The following PER2 variants were observed in gnomAD, a reference collection of about 807,000 sequenced individuals.
PER2 encodes the protein period circadian protein homolog 2.
In PER2, 66 loss-of-function variants were observed where a neutral mutation model predicts 121.0. The observed-to-expected ratio is 0.55, with a 90% CI of 0.45 to 0.67. The LOEUF (loss-of-function observed/expected upper bound fraction) is 0.67, where lower values mean the gene tolerates loss of function less well. Ranked by LOEUF, PER2 falls within the 30% of genes least tolerant of loss-of-function variation. PER2 has a pLI of 0.00. For synonymous variants in PER2, 684 were observed against 659.9 expected (o/e 1.04, Z -0.56); for missense variants, 1,521 against 1,635.0 (o/e 0.93, Z 1.20).
rs1174000787 is a variant in PER2, at chr2:238,245,922, A to T, written c.*453T>A. ...AAAAACACTCTACCTTGACTAAATG[A>T]TAATTCAGATAAAAAGCAGTCCCCA... On this transcript the variant is annotated 3_prime_UTR_variant, in exon 23 of 23. Coordinates refer to ENST00000254657, the MANE Select transcript of PER2 (RefSeq NM_022817.3). 1 of 315,032 alleles carries T rather than the reference A, an allele frequency of 3.2e-6. No individual in the cohort carries two copies. The highest frequency in any genetic ancestry group is 5.7e-6 in the Non-Finnish European group (1 of 174,522). 19.5% of individuals were successfully genotyped at this position (315,032 alleles called of 1,614,324 possible).
At chr2:238,290,366 G>A (rs530123768), upstream of PER2, among the ~76,000 whole-genome samples, 2 of 151,888 alleles carry the variant, frequency 1.3e-5, no homozygotes, top group Non-Finnish European at 2.9e-5. Flanking sequence ...ACACCCAAAG[G>A]CTCTTTTGTT....
chr2:238,261,748 A>T lies in PER2; in HGVS notation c.1397T>A (p.Ile466Asn). The T allele has an allele frequency of 6.4e-7, 1 of 1,563,514 alleles. No individual in the cohort carries two copies. Among genetic ancestry groups the T allele is most frequent in the African/African-American group, 1.4e-5 (1 of 73,690 alleles). ...HPSIQELTEQ[I>N]HRLLLQPVPH... ...ACCCACCTGCAGCAGGAGCCGGTGG[A>T]TCTGCTCTGTGAGCTCCTGAATGCT... is the stretch of plus-strand genomic sequence containing the variant. Residue 466 changes from isoleucine to asparagine, a missense_variant, in exon 12 of 23, where the codon ATC becomes AAC. Coordinates refer to ENST00000254657, the MANE Select transcript of PER2 (RefSeq NM_022817.3).
chr2:238,284,540 TC>T (rs1696726627), intron 1 of PER2, among the ~76,000 whole-genome samples: 1 of 151,932 alleles, frequency 6.6e-6, no homozygotes, highest in South Asian at 2.1e-4. Context: ...GGCAGCTGTC[TC>T]TGGCTTGTAT....
chr2:238,283,748 G>A (rs1696698558), intron 1 of PER2, among the ~76,000 whole-genome samples: 1 of 152,196 alleles, frequency 6.6e-6, no homozygotes, highest in African/African-American at 2.4e-5. Context: ...GGGTGCTCTT[G>A]CCATGGTTCA....
rs1481926556 is a variant in PER2 at position 238,245,915 on chromosome 2, C to T, written c.*460G>A. 3 of 332,520 alleles carry T rather than the reference C, an allele frequency of 9.0e-6. No individual in the cohort carries two copies. Among genetic ancestry groups the T allele is most frequent in the African/African-American group, 6.3e-5 (3 of 47,300 alleles). 20.6% of individuals were successfully genotyped at this position (332,520 alleles called of 1,614,324 possible). A position where few individuals can be genotyped will look rare whatever the true frequency, so the allele number is the denominator to read the frequency against. On this transcript the variant is annotated 3_prime_UTR_variant, in exon 23 of 23. Transcript: ENST00000254657. The stretch of plus-strand genomic sequence containing the variant: ...TGTATAAAAAAACACTCTACCTTGA[C>T]TAAATGATAATTCAGATAAAAAGCA...
chr2:238,295,447 AGCCTCAAGTCCCTG>A, the PER2 span: 2 of 152,052 alleles, frequency 1.3e-5, no homozygotes, highest in East Asian at 3.9e-4. Flanking sequence ...AGCTCAGTGA[AGCCTCAAGTCCCTG>A]GCCTCAAATC....
intron 3 of PER2, 108 bp downstream of exon 3, chr2:238,277,023 T>C: frequency 1.2e-6 from 1 of 855,754 alleles, no homozygotes; most frequent in Non-Finnish European, 2.0e-6. Context: ...ACAGATGGGT[T>C]TTAGCACAGC....
chr2:238,286,872 C>T (rs1696805164), intron 1 of PER2, among the ~76,000 whole-genome samples: 1 of 152,226 alleles, frequency 6.6e-6, no homozygotes, highest in African/African-American at 2.4e-5. Flanking sequence ...GGAATCTTTC[C>T]TTTTTCCTTG....
In PER2 at chr2:238,251,707, G is replaced by A; in HGVS notation, c.3166C>T (p.Leu1056Phe). 5 of 1,614,100 alleles carry A rather than the reference G, an allele frequency of 3.1e-6. No homozygotes were observed. Among genetic ancestry groups the A allele is most frequent in the Non-Finnish European group, 4.2e-6 (5 of 1,179,948 alleles). The change falls in exon 20 of 23, where the codon CTC becomes TTC. Residue 1056 changes from leucine to phenylalanine, a missense_variant. Leu to Phe is a conservative substitution (Grantham distance 22). Coordinates refer to ENST00000254657, the MANE Select transcript of PER2 (RefSeq NM_022817.3). ...TCCTCATTCAGCAGGAGGTTTAGGA[G>A]GCCGCTTGACGTGGAAAGGGCGTCA... ...NSDALSTSSG[L>F]LNLLLNEDLC...
intron 14 of PER2, 53 bp downstream of exon 14, chr2:238,259,916 A>T: frequency 1.2e-6 from 1 of 841,626 alleles, no homozygotes; most frequent in Non-Finnish European, 2.0e-6. Context: ...CCCTCTTCTC[A>T]TGTGGCCATA....
At position 238,245,186 on chromosome 2, in the gene PER2, T is replaced by C. The variant is rs991117977; in HGVS notation, c.*1189A>G. The C allele has an allele frequency of 5.4e-6, 1 of 184,018 alleles. No homozygotes were observed. Among genetic ancestry groups the C allele is most frequent in the African/African-American group, 2.3e-5 (1 of 42,886 alleles). 11.4% of individuals were successfully genotyped at this position (184,018 alleles called of 1,614,324 possible). ...CAATATTAAATTTTCTGAACCATCT[T>C]TGGAATATACAATGCAACATGAGGT... On this transcript the variant is annotated 3_prime_UTR_variant, in exon 23 of 23. Transcript: ENST00000254657.
chr2:238,294,598 C>T (rs559520696), upstream of PER2, among the ~76,000 whole-genome samples: 37 of 152,336 alleles, frequency 2.4e-4, no homozygotes, highest in African/African-American at 7.5e-4. Context: ...CTCTATAGGA[C>T]ATGCGCCTGC....
In PER2 at chr2:238,265,497, G is replaced by A. The variant is rs761391243; in HGVS notation, c.1046+15C>T. On this transcript the variant is annotated intron_variant, in intron 9 of 22. Transcript: ENST00000254657. The stretch of plus-strand genomic sequence containing the variant: ...ATCAAAAACATGAAAAAGGGGGTGG[G>A]TCAAGACCACGTACCTTTCATCCAC... 22 of 1,561,984 alleles carry A rather than the reference G, an allele frequency of 1.4e-5. No individual in the cohort carries two copies. The highest frequency in any genetic ancestry group is 1.9e-5 in the Non-Finnish European group (22 of 1,132,594).
intron 8 of PER2, among the ~76,000 whole-genome samples, chr2:238,266,155 G>A (rs778916153): frequency 5.3e-5 from 8 of 151,940 alleles, no homozygotes; most frequent in African/African-American, 1.5e-4. Context: ...CGCCCACCTT[G>A]GCCTCCCAAA....
chr2:238,273,013 CGCCT>C, intron 5 of PER2, 53 bp downstream of exon 5: 1 of 1,580,844 alleles, frequency 6.3e-7, no homozygotes, highest in Non-Finnish European at 8.7e-7. Context: ...TGAGCTAGCT[CGCCT>C]GCAGGAGGAA....
rs776622745 is a variant in PER2, at chr2:238,246,498, TTCC to T, written c.3642_3644del (p.Glu1215del). 1 of 1,582,282 alleles carries T rather than the reference TTCC, an allele frequency of 6.3e-7. No homozygotes were observed. Among genetic ancestry groups the T allele is most frequent in the South Asian group, 1.1e-5 (1 of 90,306 alleles). ...CATATGGTATGCAAATATTACCTTT[TTCC>T]TTGTTTTCACAGTAAACACATTCCT... On this transcript the variant is annotated inframe_deletion, in exon 23 of 23. Transcript: ENST00000254657.
chr2:238,297,144 C>T, the PER2 span, among the ~76,000 whole-genome samples: 5 of 152,312 alleles, frequency 3.3e-5, no homozygotes, highest in Admixed American at 2.6e-4. Flanking sequence ...CAATGCAGAC[C>T]TTCCACCACA....
In PER2 at chr2:238,273,069, C is replaced by T. The variant is rs142278108; in HGVS notation, c.570+1G>A. On this transcript the variant is annotated splice_donor_variant, in intron 5 of 22. Coordinates refer to ENST00000254657, the MANE Select transcript of PER2 (RefSeq NM_022817.3). LOFTEE classifies it high-confidence loss of function. Reference sequence around the variant, plus strand: ...AAGAAACTTTGCGGAAAGAGGCTTACGGCATTCTTCACAATGTGCTCAGAG... The same window carrying T: ...AAGAAACTTTGCGGAAAGAGGCTTATGGCATTCTTCACAATGTGCTCAGAG... 6.2e-7 allele frequency: 1 copy of T among 1,614,014 alleles called. No homozygotes were observed. The highest frequency in any genetic ancestry group is 8.5e-7 in the Non-Finnish European group (1 of 1,179,892).
At chr2:238,288,815 G>T (rs1324895797), upstream of PER2, among the ~76,000 whole-genome samples, 3 of 151,902 alleles carry the variant, frequency 2.0e-5, no homozygotes, top group Admixed American at 2.0e-4. Flanking sequence ...GTGACCGCGC[G>T]CGCCGCGCCC....
Sources: allele counts gnomAD v4.1 joint callset (sites outside exome capture counted in the v4.1 genomes callset), GRCh38; gene constraint gnomAD v4.1.1; transcripts MANE v1.5; gene names NCBI Gene and HGNC (gene_info 2026-07-23, HGNC 2026-07-21).